Variants in AUH observed in about 807,000 individuals in gnomAD.
AUH encodes methylglutaconyl-CoA hydratase, mitochondrial.
A neutral mutation model predicts 42.3 loss-of-function variants in AUH; 29 were observed. The observed-to-expected ratio is 0.69, with a 90% CI of 0.51 to 0.93. The LOEUF (loss-of-function observed/expected upper bound fraction) is 0.93. AUH is among the 40% of genes least tolerant of loss of function. The pLI, the probability that AUH is intolerant of heterozygous loss-of-function variation, is 0.00. For missense variants in AUH, 452 were observed against 438.1 expected (o/e 1.03, Z -0.28); for synonymous variants, 174 against 166.4 (o/e 1.05, Z -0.35).
At chr9:91,298,961 G>C (rs1359324563) in intron 4 of AUH, among the ~76,000 whole-genome samples, 1 of 152,214 alleles carries the variant, frequency 6.6e-6, no homozygotes, top group Non-Finnish European at 1.5e-5. Flanking sequence ...GCTCACGCCT[G>C]TAATCCCAGC....
chr9:91,354,626 T>A (rs1301429833), intron 3 of AUH, among the ~76,000 whole-genome samples: 1 of 152,184 alleles, frequency 6.6e-6, no homozygotes, highest in East Asian at 1.9e-4. Flanking sequence ...GCAATAATTA[T>A]AAAACCTACT....
intron 3 of AUH, among the ~76,000 whole-genome samples, chr9:91,352,304 C>T (rs1419394275): frequency 7.2e-5 from 11 of 151,908 alleles, no homozygotes; most frequent in Admixed American, 7.2e-4. Flanking sequence ...CTTATGGGAC[C>T]AGCATTGTAT....
intron 6 of AUH, among the ~76,000 whole-genome samples, chr9:91,290,523 A>G (rs1464131509): frequency 1.3e-5 from 2 of 152,216 alleles, no homozygotes; most frequent in Non-Finnish European, 2.9e-5. Context: ...AGAAACTAGA[A>G]AAATAATTCT....
At chr9:91,224,175 T>G (rs1352273645) in intron 6 of AUH, among the ~76,000 whole-genome samples, 4 of 152,170 alleles carry the variant, frequency 2.6e-5, no homozygotes, top group African/African-American at 9.7e-5. Flanking sequence ...AAACCCCTGG[T>G]GTTTTGGTAG....
At chr9:91,315,052 T>C (rs1467109367) in intron 4 of AUH, among the ~76,000 whole-genome samples, 2 of 152,210 alleles carry the variant, frequency 1.3e-5, no homozygotes, top group African/African-American at 4.8e-5. Context: ...GCCTCCCTAA[T>C]AGCTGGCACT....
At chr9:91,247,242 C>A (rs1261806308) in intron 6 of AUH, among the ~76,000 whole-genome samples, 1 of 152,146 alleles carries the variant, frequency 6.6e-6, no homozygotes, top group Non-Finnish European at 1.5e-5. Context: ...TGCAGAGACC[C>A]ATCAACTTCA....
chr9:91,361,570 C>A (rs1390191104), intron 1 of AUH, 58 bp downstream of exon 1: 4 of 1,545,952 alleles, frequency 2.6e-6, no homozygotes, highest in Non-Finnish European at 2.6e-6. Flanking sequence ...ACCTTATGCC[C>A]GTCCTGAGAG....
At chr9:91,334,425 T>C (rs1830551117) in intron 3 of AUH, among the ~76,000 whole-genome samples, 1 of 152,170 alleles carries the variant, frequency 6.6e-6, no homozygotes, top group East Asian at 1.9e-4. Context: ...CTGGCCTCTA[T>C]TTTCCGCCCC....
chr9:91,272,446 C>T (rs534625220), intron 6 of AUH, among the ~76,000 whole-genome samples: 1 of 152,298 alleles, frequency 6.6e-6, no homozygotes, highest in African/African-American at 2.4e-5. Flanking sequence ...AAGGGAAATC[C>T]TGAAGCCGAG....
chr9:91,254,247 G>A (rs771193811), intron 6 of AUH, among the ~76,000 whole-genome samples: 5 of 152,156 alleles, frequency 3.3e-5, no homozygotes, highest in Non-Finnish European at 5.9e-5. Context: ...TAAAATAAAG[G>A]TAATGTAAGA....
chr9:91,267,627 T>C (rs553103444), intron 6 of AUH, among the ~76,000 whole-genome samples: 60 of 152,128 alleles, frequency 3.9e-4, no homozygotes, highest in Non-Finnish European at 6.2e-4. Context: ...TCTCCCTTGG[T>C]AGTGGTTGCA....
At chr9:91,234,378 T>C (rs1266511613) in intron 6 of AUH, among the ~76,000 whole-genome samples, 1 of 152,182 alleles carries the variant, frequency 6.6e-6, no homozygotes, top group Non-Finnish European at 1.5e-5. Context: ...AGACCTGCCA[T>C]GGTATAGACT....
chr9:91,226,210 CTGT>C lies in AUH; in HGVS notation c.656-5221_656-5219del, dbSNP rs557506983. Among the ~76,000 whole-genome samples the C allele has an allele frequency of 3.4e-3, 517 of 151,728 alleles. 1 individual carries two copies. The highest frequency in any genetic ancestry group is 0.011 in the African/African-American group (444 of 41,370). ...CATTTCTCCACATCCTCTCCAGCAC[CTGT>C]TGTTTCCTGACTTTTTAATGATCGC... On this transcript the variant is annotated intron_variant, in intron 6 of 9. Transcript: ENST00000375731.
chr9:91,286,333 C>T (rs1826404572), intron 6 of AUH, among the ~76,000 whole-genome samples: 1 of 152,072 alleles, frequency 6.6e-6, no homozygotes, highest in South Asian at 2.1e-4. Flanking sequence ...GATCCCTCAC[C>T]CAGGGAGGGG....
intron 4 of AUH, among the ~76,000 whole-genome samples, chr9:91,322,587 CA>C (rs1430313481): frequency 2.6e-5 from 4 of 151,966 alleles, no homozygotes; most frequent in African/African-American, 9.7e-5. Context: ...ACAGAAGATG[CA>C]AAAAGGTGTC....
At chr9:91,299,184 A>T (rs1827590549) in intron 4 of AUH, among the ~76,000 whole-genome samples, 1 of 152,190 alleles carries the variant, frequency 6.6e-6, no homozygotes, top group South Asian at 2.1e-4. Context: ...GTGCCATTGC[A>T]CTCCAGCCTG....
At chr9:91,300,513 A>G (rs1243422314) in intron 4 of AUH, among the ~76,000 whole-genome samples, 2 of 152,156 alleles carry the variant, frequency 1.3e-5, no homozygotes, top group East Asian at 3.9e-4. Context: ...ACCAGCAGGA[A>G]GTACCTAATT....
intron 6 of AUH, among the ~76,000 whole-genome samples, chr9:91,240,599 T>C (rs1828457196): frequency 6.6e-6 from 1 of 152,076 alleles, no homozygotes. Flanking sequence ...AATACAGAAG[T>C]CACTAGCCAC....
chr9:91,305,931 G>GACC (rs1828184550), intron 4 of AUH, among the ~76,000 whole-genome samples: 1 of 152,048 alleles, frequency 6.6e-6, no homozygotes, highest in Non-Finnish European at 1.5e-5. Context: ...AAGGACTTGT[G>GACC]ACCACGTACC....
Sources: allele counts gnomAD v4.1 joint callset (sites outside exome capture counted in the v4.1 genomes callset), GRCh38; gene constraint gnomAD v4.1.1; transcripts MANE v1.5; gene names NCBI Gene and HGNC (gene_info 2026-07-23, HGNC 2026-07-21).